The following PELI2 variants were observed in gnomAD, a reference collection of about 807,000 sequenced individuals.
The protein encoded by PELI2 is pellino E3 ubiquitin protein ligase family member 2.
Under a neutral mutation model 42.3 loss-of-function variants are expected in PELI2, and 23 were observed. The observed-to-expected ratio is 0.54, with a 90% CI of 0.39 to 0.77. The LOEUF is 0.77. PELI2 is among the 30% of genes least tolerant of loss of function. The pLI is 0.00. For missense variants in PELI2, 463 were observed against 553.2 expected (o/e 0.84, Z 1.64); for synonymous variants, 245 against 212.2 (o/e 1.15, Z -1.34).
chr14:56,131,916 A>T (rs1883499931), intron 1 of PELI2, among the ~76,000 whole-genome samples: 2 of 152,308 alleles, frequency 1.3e-5, no homozygotes, highest in South Asian at 4.1e-4. Context: ...CTGCTCTTTA[A>T]TCGTGCCGAG....
chr14:56,291,436 T>C (rs972613202), intron 5 of PELI2, among the ~76,000 whole-genome samples: 3 of 152,198 alleles, frequency 2.0e-5, no homozygotes, highest in African/African-American at 4.8e-5. Context: ...TTATTTCTAT[T>C]TTACACCATT....
At chr14:56,161,495 G>T (rs1052219863) in intron 1 of PELI2, among the ~76,000 whole-genome samples, 3 of 152,002 alleles carry the variant, frequency 2.0e-5, no homozygotes, top group Non-Finnish European at 4.4e-5. Flanking sequence ...GGATGGTCTC[G>T]ATCTCTTGAC....
intron 2 of PELI2, among the ~76,000 whole-genome samples, chr14:56,230,460 A>T (rs1296434655): frequency 6.6e-6 from 1 of 152,238 alleles, no homozygotes; most frequent in Admixed American, 6.5e-5. Context: ...ATTCTTAAAG[A>T]AAAGAGTTTT....
intron 2 of PELI2, among the ~76,000 whole-genome samples, chr14:56,195,521 G>T (rs776126080): frequency 1.3e-5 from 2 of 152,198 alleles, no homozygotes; most frequent in Non-Finnish European, 2.9e-5. Context: ...CCTTTTAATG[G>T]CCGTAAAACA....
intron 2 of PELI2, among the ~76,000 whole-genome samples, chr14:56,205,592 T>A (rs1198030696): frequency 6.6e-6 from 1 of 152,122 alleles, no homozygotes; most frequent in Non-Finnish European, 1.5e-5. Context: ...AGGCAGTAAT[T>A]CTATAGAAAG....
chr14:56,213,055 C>G (rs553925064), intron 2 of PELI2, among the ~76,000 whole-genome samples: 6 of 152,316 alleles, frequency 3.9e-5, no homozygotes, highest in Non-Finnish European at 7.3e-5. Flanking sequence ...TGCAGCTTGG[C>G]AGTCATTGCC....
chr14:56,169,020 A>G (rs1225449135), intron 1 of PELI2, among the ~76,000 whole-genome samples: 2 of 152,048 alleles, frequency 1.3e-5, no homozygotes, highest in African/African-American at 2.4e-5. Context: ...CTGGTGCCCT[A>G]TCCTGCTGCG....
chr14:56,300,619 C>T lies in PELI2; in HGVS notation c.*3453C>T, dbSNP rs1890145692. ...TTTTCTTTTTTAAAGCCATTCTGTT[C>T]TTTGGATGTGCTTGAAAGGGTGTGT... On this transcript the variant is annotated 3_prime_UTR_variant, in exon 6 of 6. Coordinates refer to ENST00000267460, the MANE Select transcript of PELI2 (RefSeq NM_021255.3). 6.6e-6 allele frequency: 1 copy of T among 152,080 alleles called. No individual in the cohort carries two copies. Among genetic ancestry groups the T allele is most frequent in the African/African-American group, 2.4e-5 (1 of 41,408 alleles). The allele number at this position is 152,080 out of a possible 1,614,324, so 9.4% of individuals were successfully genotyped here.
At chr14:56,195,691 G>A (rs1886105763) in intron 2 of PELI2, among the ~76,000 whole-genome samples, 2 of 152,190 alleles carry the variant, frequency 1.3e-5, no homozygotes, top group Non-Finnish European at 2.9e-5. Context: ...CCCCTCATCC[G>A]GAGAAACTTT....
At chr14:56,285,112 A>G (rs1889603740) in intron 3 of PELI2, among the ~76,000 whole-genome samples, 1 of 152,222 alleles carries the variant, frequency 6.6e-6, no homozygotes, top group Non-Finnish European at 1.5e-5. Context: ...AAACTACTGT[A>G]TGGAAAAGAA....
chr14:56,227,138 A>G (rs185415650), intron 2 of PELI2, among the ~76,000 whole-genome samples: 46 of 152,348 alleles, frequency 3.0e-4, no homozygotes, highest in Admixed American at 1.2e-3. Context: ...CAGTTGCTCA[A>G]CATTTCAGCC....
chr14:56,227,932 C>G (rs758942841), intron 2 of PELI2, among the ~76,000 whole-genome samples: 2 of 152,094 alleles, frequency 1.3e-5, no homozygotes, highest in African/African-American at 2.4e-5. Flanking sequence ...TTAAAGTTAC[C>G]CACCAAAAAA....
intron 1 of PELI2, among the ~76,000 whole-genome samples, chr14:56,164,884 GTCT>G (rs1884894408): frequency 6.6e-6 from 1 of 151,350 alleles, no homozygotes; most frequent in Admixed American, 6.6e-5. Flanking sequence ...CAGTTGTAAT[GTCT>G]TCTTTTTCAT....
chr14:56,159,487 G>T (rs1884679627), intron 1 of PELI2, among the ~76,000 whole-genome samples: 1 of 152,140 alleles, frequency 6.6e-6, no homozygotes, highest in South Asian at 2.1e-4. Flanking sequence ...TCTCATTCAG[G>T]AATAAGATAT....
At chr14:56,250,751 C>G (rs1235663331) in intron 2 of PELI2, among the ~76,000 whole-genome samples, 1 of 152,172 alleles carries the variant, frequency 6.6e-6, no homozygotes, top group African/African-American at 2.4e-5. Flanking sequence ...GTCTGCCTCT[C>G]TCAATCCGCT....
chr14:56,281,073 G>A (rs1303334839), intron 3 of PELI2, among the ~76,000 whole-genome samples: 2 of 152,126 alleles, frequency 1.3e-5, no homozygotes, highest in South Asian at 2.1e-4. Flanking sequence ...TGGTGGGACT[G>A]TGAATTGGTG....
chr14:56,278,781 A>G (rs1889382812), intron 2 of PELI2, among the ~76,000 whole-genome samples: 1 of 152,190 alleles, frequency 6.6e-6, no homozygotes, highest in African/African-American at 2.4e-5. Context: ...CAGTGTCATC[A>G]TTCAATAAAT....
intron 2 of PELI2, among the ~76,000 whole-genome samples, chr14:56,225,175 C>T (rs183841073): frequency 1.1e-4 from 16 of 152,242 alleles, no homozygotes; most frequent in Admixed American, 3.3e-4. Flanking sequence ...AACAGGGAAA[C>T]GATGGGGCCC....
chr14:56,227,170 G>C (rs920638130), intron 2 of PELI2, among the ~76,000 whole-genome samples: 2 of 152,240 alleles, frequency 1.3e-5, no homozygotes, highest in Non-Finnish European at 2.9e-5. Flanking sequence ...AGGTGGGCCT[G>C]GGCAAGGTAA....
Sources: allele counts gnomAD v4.1 joint callset (sites outside exome capture counted in the v4.1 genomes callset), GRCh38; gene constraint gnomAD v4.1.1; transcripts MANE v1.5; gene names NCBI Gene and HGNC (gene_info 2026-07-23, HGNC 2026-07-21).